The following PSIP1 variants were observed in gnomAD, a reference collection of about 807,000 sequenced individuals.
PSIP1 encodes PC4 and SFRS1-interacting protein.
In PSIP1, 19 loss-of-function variants were observed where a neutral mutation model predicts 74.7. That is an observed-to-expected ratio of 0.25 (90% CI 0.18 to 0.37). The LOEUF is 0.37. Among genes scored for constraint, PSIP1 ranks in the 10% least tolerant of loss-of-function variants. The pLI, the probability that PSIP1 is intolerant of heterozygous loss-of-function variation, is 1.00. For missense variants in PSIP1, 601 were observed against 614.3 expected, an observed-to-expected ratio of 0.98 and a Z score of 0.23; for synonymous variants, 222 against 195.3, an observed-to-expected ratio of 1.14 and a Z score of -1.14.
In PSIP1 at chr9:15,497,325, C is replaced by CTTTTTTTTTTTTTTTTTTT. The variant is rs767922897; in HGVS notation, c.150-7202_150-7201insAAAAAAAAAAAAAAAAAAA. On this transcript the variant is annotated intron_variant, in intron 3 of 15. Coordinates refer to ENST00000380733, the MANE Select transcript of PSIP1 (RefSeq NM_033222.5). Reference sequence around the variant, plus strand: ...CTGAAGACCACACGTTCTATGATTCCTTTTTTTTTTTTTTTTGAGACAGAG... The same window carrying CTTTTTTTTTTTTTTTTTTT: ...CTGAAGACCACACGTTCTATGATTCCTTTTTTTTTTTTTTTTTTTTTTTTTTTTTTTTTTTGAGACAGAG... 7.7e-4 allele frequency among the ~76,000 whole-genome samples: 91 copies of CTTTTTTTTTTTTTTTTTTT among 118,550 alleles called. 15 individuals carry two copies. Among genetic ancestry groups the CTTTTTTTTTTTTTTTTTTT allele is most frequent in the African/African-American group, 3.2e-3 (80 of 24,856 alleles). 77.8% of individuals were successfully genotyped at this position (118,550 alleles called of 152,430 possible).
At chr9:15,470,384 T>C (rs2035772283) in intron 10 of PSIP1, among the ~76,000 whole-genome samples, 1 of 152,130 alleles carries the variant, frequency 6.6e-6, no homozygotes, top group African/African-American at 2.4e-5. Flanking sequence ...AGCAGATTAA[T>C]GAGTTCTGAA....
chr9:15,507,687 A>G lies in PSIP1; in HGVS notation c.73-1050T>C, dbSNP rs1019199153. ...TAACAACATATCTATTTTAAATGTC[A>G]TAATTTTCATAATTTCAAAAACACT... On this transcript the variant is annotated intron_variant, in intron 2 of 15. Transcript: ENST00000380733. Among the ~76,000 whole-genome samples, 2 of 152,192 alleles carry G rather than the reference A, an allele frequency of 1.3e-5. 1 individual carries two copies. The highest frequency in any genetic ancestry group is 2.9e-5 in the Non-Finnish European group (2 of 68,030).
At chr9:15,502,025 T>G (rs2037372362) in intron 3 of PSIP1, among the ~76,000 whole-genome samples, 1 of 151,840 alleles carries the variant, frequency 6.6e-6, no homozygotes, top group Non-Finnish European at 1.5e-5. Flanking sequence ...CAGCATTAGA[T>G]CCTCACAGAA....
At chr9:15,477,607 C>G (rs537359306) in intron 8 of PSIP1, among the ~76,000 whole-genome samples, 1 of 152,022 alleles carries the variant, frequency 6.6e-6, no homozygotes, top group South Asian at 2.1e-4. Context: ...AAAAGTTTTT[C>G]TCCCCCTTTG....
chr9:15,471,754 A>G (rs1226759221), intron 10 of PSIP1: 4 of 961,040 alleles, frequency 4.2e-6, no homozygotes, highest in Middle Eastern at 5.2e-4. Flanking sequence ...GCTTACGGAT[A>G]TATTATATAA....
At chr9:15,480,160 A>G (rs2036273491) in intron 6 of PSIP1, among the ~76,000 whole-genome samples, 1 of 152,248 alleles carries the variant, frequency 6.6e-6, no homozygotes, top group Non-Finnish European at 1.5e-5. Flanking sequence ...GCCCTTTGAT[A>G]ACTGCTAGTA....
At chr9:15,483,449 A>AT (rs1404731675) in intron 6 of PSIP1, among the ~76,000 whole-genome samples, 1 of 151,856 alleles carries the variant, frequency 6.6e-6, no homozygotes, top group Non-Finnish European at 1.5e-5. Context: ...TAAAAAATCT[A>AT]TAAGATCCTT....
chr9:15,487,743 A>C (rs2036616746), intron 4 of PSIP1, among the ~76,000 whole-genome samples: 1 of 152,222 alleles, frequency 6.6e-6, no homozygotes, highest in Admixed American at 6.5e-5. Context: ...ACAAATATTT[A>C]GTGATTAGCT....
chr9:15,488,251 G>C (rs1271494546), intron 4 of PSIP1, among the ~76,000 whole-genome samples: 8 of 152,100 alleles, frequency 5.3e-5, no homozygotes, highest in Non-Finnish European at 1.2e-4. Flanking sequence ...AGAATTGCTT[G>C]ACCTGGGGGG....
At chr9:15,497,990 A>G (rs1263080284) in intron 3 of PSIP1, among the ~76,000 whole-genome samples, 1 of 152,164 alleles carries the variant, frequency 6.6e-6, no homozygotes, top group Non-Finnish European at 1.5e-5. Context: ...CCTACACACT[A>G]TTTCACTGAA....
At chr9:15,500,064 T>C (rs939265877) in intron 3 of PSIP1, among the ~76,000 whole-genome samples, 1 of 152,142 alleles carries the variant, frequency 6.6e-6, no homozygotes, top group Admixed American at 6.5e-5. Context: ...TGAAAGTTTA[T>C]TATAAATATT....
intron 9 of PSIP1, 105 bp downstream of exon 9, chr9:15,473,904 C>CAAAAAAAAAACAAA: frequency 4.6e-6 from 3 of 649,266 alleles, no homozygotes; most frequent in Admixed American, 7.4e-5. Flanking sequence ...CCATCTCAAA[C>CAAAAAAAAAACAAA]AAAAAAAAAA....
chr9:15,491,610 C>T (rs749625837), intron 3 of PSIP1, among the ~76,000 whole-genome samples: 4 of 152,166 alleles, frequency 2.6e-5, no homozygotes, highest in Non-Finnish European at 5.9e-5. Context: ...CCAATAAGTC[C>T]ACTGTAAATC....
rs773350105 is a variant in PSIP1 at position 15,506,629 on chromosome 9, T to C, written c.81A>G (p.Glu27=). The change falls in exon 3 of 16, where the codon GAA becomes GAG. Residue 27 remains glutamate, a synonymous_variant. Transcript: ENST00000380733. ...GTGGCTTTACAGCTCCATCAGGAAC[T>C]TCGTCTACCTAAAAGAAAAGTGAGA... ...GYPHWPARVD[E]VPDGAVKPPT... is the part of the protein sequence containing the mutation. 3.7e-6 allele frequency: 6 copies of C among 1,609,368 alleles called. No homozygotes were observed. The Admixed American group carries it at 1.0e-4, about 27-fold the overall frequency.
At chr9:15,507,575 T>C (rs1393716036) in intron 2 of PSIP1, among the ~76,000 whole-genome samples, 5 of 152,028 alleles carry the variant, frequency 3.3e-5, no homozygotes, top group African/African-American at 1.2e-4. Flanking sequence ...GCAACAGAGG[T>C]TGCAGTGAGC....
chr9:15,492,052 A>C (rs993288421), intron 3 of PSIP1: 2 of 152,222 alleles, frequency 1.3e-5, no homozygotes, highest in African/African-American at 4.8e-5. Flanking sequence ...GAGCCAAACC[A>C]TATCATTCTG....
chr9:15,510,347 G>A lies in PSIP1; in HGVS notation c.-141-18C>T, dbSNP rs1182039048. ...CGCGCCTGCTAGGGAGAGCACCGAG[G>A]GCGGTTAAAGCGAAGAACCCCGAAG... On this transcript the variant is annotated intron_variant, in intron 1 of 15. Transcript: ENST00000380733. 2.2e-5 allele frequency: 10 copies of A among 450,588 alleles called. No individual in the cohort carries two copies. The East Asian group carries it at 2.5e-4, about 11-fold the overall frequency. 27.9% of individuals were successfully genotyped at this position (450,588 alleles called of 1,614,324 possible).
At chr9:15,509,618 TAAAC>T (rs2037758680) in intron 2 of PSIP1, among the ~76,000 whole-genome samples, 1 of 152,224 alleles carries the variant, frequency 6.6e-6, no homozygotes, top group South Asian at 2.1e-4. Context: ...GAATCTGTAT[TAAAC>T]AAGCAAATCC....
Position 15,464,902 on chromosome 9 carries a change from T to C in PSIP1, c.*618A>G, listed in dbSNP as rs2035507938. The C allele has an allele frequency of 9.4e-6, 2 of 212,720 alleles. No individual in the cohort carries two copies. Among genetic ancestry groups the C allele is most frequent in the Non-Finnish European group, 1.9e-5 (2 of 105,090 alleles). The allele number at this position is 212,720 out of a possible 1,614,324, so 13.2% of individuals were successfully genotyped here. A position where few individuals can be genotyped will look rare whatever the true frequency, so the allele number is the denominator to read the frequency against. On this transcript the variant is annotated 3_prime_UTR_variant, in exon 16 of 16. Transcript: ENST00000380733. ...ATAGTTTGTAGAATTCTCAGTTCCA[T>C]GTCAGTTGCTTAATTAGTTGTCATA...
Sources: gnomAD v4.1 joint callset for allele counts (sites outside exome capture counted in the v4.1 genomes callset) on GRCh38, gnomAD v4.1.1 for gene constraint, MANE v1.5 for transcripts, NCBI Gene and HGNC (gene_info 2026-07-23, HGNC 2026-07-21) for gene names.